LCORL: variants seen among roughly 807,000 people sequenced by gnomAD.
LCORL encodes the protein ligand-dependent nuclear receptor corepressor-like protein.
In LCORL, 41 loss-of-function variants were observed where a neutral mutation model predicts 141.8. The ratio of observed to expected loss-of-function variants is 0.29; its 90% CI spans 0.23 to 0.38. The LOEUF (loss-of-function observed/expected upper bound fraction) is 0.38, where lower values mean the gene tolerates loss of function less well. LCORL is among the 10% of genes least tolerant of loss of function. The pLI, the probability that LCORL is intolerant of heterozygous loss-of-function variation, is 1.00. For synonymous variants in LCORL, 618 were observed against 694.1 expected, an observed-to-expected ratio of 0.89 and a Z score of 1.72; for missense variants, 1,759 against 2,035.0, an observed-to-expected ratio of 0.86 and a Z score of 2.61.
chr4:17,922,100 T>C (rs1577427791), intron 4 of LCORL, among the ~76,000 whole-genome samples: 2 of 152,178 alleles, frequency 1.3e-5, no homozygotes, highest in Admixed American at 1.3e-4. Flanking sequence ...GGACTTCAAC[T>C]TGTGATTGTG....
chr4:17,987,382 C>T (rs1719162735), intron 1 of LCORL, among the ~76,000 whole-genome samples: 1 of 152,196 alleles, frequency 6.6e-6, no homozygotes. Flanking sequence ...TTGTAGCATA[C>T]ATCAGTACTC....
intron 4 of LCORL, among the ~76,000 whole-genome samples, chr4:17,947,976 T>C (rs1739147068): frequency 6.6e-6 from 1 of 151,930 alleles, no homozygotes; most frequent in African/African-American, 2.4e-5. Context: ...AAAGATGATT[T>C]AGAGTTTATC....
At chr4:18,017,463 C>T (rs974476155) in intron 1 of LCORL, among the ~76,000 whole-genome samples, 2 of 152,014 alleles carry the variant, frequency 1.3e-5, no homozygotes, top group Admixed American at 1.3e-4. Flanking sequence ...CTAACATCAC[C>T]AACATTGGTA....
chr4:17,884,068 C>T lies in LCORL; in HGVS notation c.776+2000G>A, dbSNP rs1371458099. 6 of 1,550,478 alleles carry T rather than the reference C, an allele frequency of 3.9e-6. No homozygotes were observed. The African/African-American group carries it at 4.1e-5, about 11-fold the overall frequency. ...CTGTTCCATTTTTAGAATTAAGACA[C>T]AAAGGAGAGAGGTCCCCATGTAGAA... On this transcript the variant is annotated intron_variant, in intron 6 of 7. Coordinates refer to ENST00000635767, the Ensembl canonical transcript of LCORL. This position sits in a 1 kb window ranked among gnomAD's most constrained non-coding sequence, Gnocchi z 4.4.
intron 4 of LCORL, among the ~76,000 whole-genome samples, chr4:17,958,545 G>A (rs11930366): frequency 0.24 from 36,157 of 151,734 alleles, 5,489 homozygotes; most frequent in African/African-American, 0.43. Flanking sequence ...TGTAAACAAG[G>A]CATTTTATAT....
At chr4:17,931,852 A>C (rs1736096619) in intron 4 of LCORL, among the ~76,000 whole-genome samples, 2 of 152,122 alleles carry the variant, frequency 1.3e-5, no homozygotes, top group African/African-American at 4.8e-5. Context: ...TTATATCCTT[A>C]CTTACTTTAG....
At chr4:17,847,548 T>G (rs533737925) in intron 7 of LCORL, among the ~76,000 whole-genome samples, 1 of 152,342 alleles carries the variant, frequency 6.6e-6, no homozygotes, top group Non-Finnish European at 1.5e-5. Context: ...TAGCTTAGTA[T>G]GCATCAATAG....
chr4:17,917,443 C>T (rs12645584), intron 4 of LCORL, among the ~76,000 whole-genome samples: 98,674 of 152,180 alleles, frequency 0.65, 32,919 homozygotes, highest in South Asian at 0.79. Context: ...TCTGCCCGCC[C>T]TGGCCTCCCA....
At chr4:17,980,147 C>T (rs754469800) in intron 1 of LCORL, among the ~76,000 whole-genome samples, 12 of 152,172 alleles carry the variant, frequency 7.9e-5, no homozygotes, top group Admixed American at 5.2e-4. Flanking sequence ...AAATTTGTCA[C>T]GTGCCACTAA....
chr4:17,874,021 C>T, exon 7 of LCORL: 1 of 1,234,160 alleles, frequency 8.1e-7, no homozygotes, highest in South Asian at 4.1e-5. Context: ...CACTGATTAT[C>T]TACTATGCTT....
chr4:17,885,274 C>T (rs1728116548), intron 6 of LCORL, among the ~76,000 whole-genome samples: 1 of 151,820 alleles, frequency 6.6e-6, no homozygotes, highest in Non-Finnish European at 1.5e-5. Flanking sequence ...GAGCTTAAAA[C>T]TTGAAACAAG....
chr4:17,863,216 T>C (rs950432156), intron 7 of LCORL, among the ~76,000 whole-genome samples: 4 of 152,192 alleles, frequency 2.6e-5, no homozygotes, highest in African/African-American at 9.6e-5. Flanking sequence ...CTTGGGAGAC[T>C]GAGGCAGGAG....
intron 4 of LCORL, among the ~76,000 whole-genome samples, chr4:17,921,236 C>G (rs974167663): frequency 6.6e-6 from 1 of 152,008 alleles, no homozygotes; most frequent in Admixed American, 6.6e-5. Flanking sequence ...CCATGTTGGC[C>G]AGGATGATCT....
At chr4:17,976,567 T>C (rs925800711) in intron 1 of LCORL, among the ~76,000 whole-genome samples, 1 of 152,196 alleles carries the variant, frequency 6.6e-6, no homozygotes, top group Non-Finnish European at 1.5e-5. Context: ...TCTCATTATA[T>C]ATAACTTACT....
intron 5 of LCORL, among the ~76,000 whole-genome samples, chr4:17,897,213 C>CCTTTTT (rs1553863446): frequency 0.019 from 1,242 of 63,986 alleles, 587 homozygotes; most frequent in African/African-American, 0.022. Flanking sequence ...ATACTGATTT[C>CCTTTTT]TTTTTTTTTT....
exon 8 of LCORL, chr4:17,843,614 T>TC (rs1373026953): frequency 2.0e-6 from 1 of 508,214 alleles, no homozygotes; most frequent in Non-Finnish European, 3.5e-6. Context: ...CCAGAAAAAG[T>TC]GTGCATCAGT....
rs796682028 is a variant in LCORL at position 17,940,418 on chromosome 4, T to C, written c.430+21485A>G. On this transcript the variant is annotated intron_variant, in intron 4 of 7. Transcript: ENST00000635767. The stretch of plus-strand genomic sequence containing the variant: ...ATATAGGAAACAAACTATATTAAAA[T>C]AGTTTTATATTACTATAATATAGTA... Among the ~76,000 whole-genome samples, 4 of 147,906 alleles carry C rather than the reference T, an allele frequency of 2.7e-5. No individual in the cohort carries two copies. In the South Asian group the frequency reaches 8.4e-4, roughly 31 times the overall value.
chr4:17,878,129 G>A, exon 7 of LCORL: 1 of 1,230,312 alleles, frequency 8.1e-7, no homozygotes, highest in African/African-American at 1.6e-5. Context: ...GGTGATGTAT[G>A]CACAAAGATT....
At chr4:17,978,019 T>C (rs1463725244) in intron 1 of LCORL, among the ~76,000 whole-genome samples, 1 of 152,192 alleles carries the variant, frequency 6.6e-6, no homozygotes, top group East Asian at 1.9e-4. Flanking sequence ...CATTTCCCTC[T>C]TATGTTCATG....
Sources: gnomAD v4.1 joint callset for allele counts (sites outside exome capture counted in the v4.1 genomes callset) on GRCh38, gnomAD v4.1.1 for gene constraint, Gnocchi (gnomAD v3.1) non-coding constraint, MANE v1.5 for transcripts, NCBI Gene and HGNC (gene_info 2026-07-23, HGNC 2026-07-21) for gene names.